The following C16orf74 variants were observed in gnomAD, a reference collection of about 807,000 sequenced individuals.
C16orf74 encodes calcimembrin, also known as uncharacterized protein C16orf74.
A neutral mutation model predicts 6.5 loss-of-function variants in C16orf74; 10 were observed. The observed-to-expected ratio is 1.54, with a 90% CI of 0.95 to 2.61. The LOEUF (loss-of-function observed/expected upper bound fraction) is 2.61. Among genes scored for constraint, C16orf74 ranks in the 30% most tolerant of loss-of-function variants. The probability of loss-of-function intolerance (pLI) is 0.00; values close to 1 mark genes in which losing one functional copy is unlikely to be tolerated. For synonymous variants in C16orf74, 60 were observed against 42.5 expected, an observed-to-expected ratio of 1.41 and a Z score of -1.60; for missense variants, 141 against 105.9, an observed-to-expected ratio of 1.33 and a Z score of -1.45.
rs114247748 is a variant in C16orf74, at chr16:85,739,350, T to C, written c.-18-4115A>G. ...CCTTTTATCCTGTCTTTGTTCAGCA[T>C]TGATCACAGCCCACCCGGTGGATTT... On this transcript the variant is annotated intron_variant, in intron 1 of 3. Transcript: ENST00000284245. Among the ~76,000 whole-genome samples the C allele has an allele frequency of 1.5e-3, 232 of 152,340 alleles. 3 individuals are homozygous for C. The highest frequency in any genetic ancestry group is 5.5e-3 in the African/African-American group (228 of 41,576).
chr16:85,735,354 G>C (rs1287235459), intron 1 of C16orf74, 119 bp from the exon 2 acceptor site: 2 of 518,418 alleles, frequency 3.9e-6, no homozygotes, highest in Admixed American at 4.2e-5. Flanking sequence ...GTGGTGGAGA[G>C]AAACCACCGG....
intron 2 of C16orf74, among the ~76,000 whole-genome samples, chr16:85,717,258 C>T (rs2054034850): frequency 6.6e-6 from 1 of 152,188 alleles, no homozygotes; most frequent in Non-Finnish European, 1.5e-5. Flanking sequence ...CTCCTAGCTC[C>T]AGGACAGCGG....
chr16:85,712,569 A>G (rs1306844039), intron 2 of C16orf74, among the ~76,000 whole-genome samples: 1 of 152,168 alleles, frequency 6.6e-6, no homozygotes, highest in African/African-American at 2.4e-5. Context: ...AATCCACAAA[A>G]GCATGTACAC....
chr16:85,708,322 G>A (rs547264614), intron 3 of C16orf74, among the ~76,000 whole-genome samples: 1 of 152,150 alleles, frequency 6.6e-6, no homozygotes, highest in Non-Finnish European at 1.5e-5. Flanking sequence ...GTAACCCTGT[G>A]TCTCCCCTAT....
intron 1 of C16orf74, among the ~76,000 whole-genome samples, chr16:85,736,144 G>A (rs2054242305): frequency 6.6e-6 from 1 of 152,208 alleles, no homozygotes; most frequent in East Asian, 1.9e-4. Flanking sequence ...TGGGAGGTCA[G>A]GCAGGAACAG....
intron 1 of C16orf74, among the ~76,000 whole-genome samples, chr16:85,747,118 A>G (rs1285130685): frequency 6.6e-6 from 1 of 152,196 alleles, no homozygotes; most frequent in Non-Finnish European, 1.5e-5. Context: ...CGTGTGACTC[A>G]CAGCAAAATA....
At chr16:85,720,050 C>CTT (rs112970652) in intron 2 of C16orf74, among the ~76,000 whole-genome samples, 304 of 143,920 alleles carry the variant, frequency 2.1e-3, no homozygotes, top group Non-Finnish European at 2.9e-3. Context: ...TGCGTTTAAT[C>CTT]TTTTTTTTTT....
intron 2 of C16orf74, among the ~76,000 whole-genome samples, chr16:85,718,065 C>G (rs751513843): frequency 5.9e-5 from 9 of 152,326 alleles, no homozygotes; most frequent in Admixed American, 2.0e-4. Context: ...CACGTGCGCC[C>G]TCTACTAGTT....
chr16:85,735,279 G>C (rs1164447026), intron 1 of C16orf74, 44 bp from the exon 2 acceptor site: 4 of 1,457,150 alleles, frequency 2.7e-6, no homozygotes, highest in African/African-American at 1.4e-5. Context: ...GGCGCGACTT[G>C]TTTGTATTGG....
intron 2 of C16orf74, among the ~76,000 whole-genome samples, chr16:85,712,625 C>G (rs1280582569): frequency 6.6e-6 from 1 of 152,220 alleles, no homozygotes; most frequent in African/African-American, 2.4e-5. Context: ...TCTTGGTTCA[C>G]CTGCAGCTTG....
At chr16:85,750,466 C>T (rs998861671) in intron 1 of C16orf74, among the ~76,000 whole-genome samples, 10 of 152,198 alleles carry the variant, frequency 6.6e-5, no homozygotes, top group African/African-American at 1.2e-4. Context: ...CGCAGGGGGG[C>T]CCCTAAGTGA....
At position 85,708,111 on chromosome 16, in the gene C16orf74, C is replaced by A. The variant is rs2152056911; in HGVS notation, c.173-45G>T. ...GACACCTGGATGCACCCTGCCCCCA[C>A]CACACCAAGCCCCGTTTCCCTGGGA... is the stretch of plus-strand genomic sequence containing the variant. On this transcript the variant is annotated intron_variant, in intron 3 of 3. Coordinates refer to ENST00000284245, the MANE Select transcript of C16orf74 (RefSeq NM_206967.3). 4 of 1,476,366 alleles carry A rather than the reference C, an allele frequency of 2.7e-6. No homozygotes were observed. In the East Asian group the frequency reaches 9.9e-5, roughly 36 times the overall value. 91.5% of individuals were successfully genotyped at this position (1,476,366 alleles called of 1,614,324 possible). A position where few individuals can be genotyped will look rare whatever the true frequency, so the allele number is the denominator to read the frequency against.
chr16:85,723,858 C>T (rs1598790919), intron 2 of C16orf74, among the ~76,000 whole-genome samples: 1 of 152,310 alleles, frequency 6.6e-6, no homozygotes, highest in Admixed American at 6.5e-5. Context: ...CTGCCCCTGC[C>T]CAGACACACA....
chr16:85,733,106 C>A (rs1268963654), intron 2 of C16orf74, among the ~76,000 whole-genome samples: 3 of 152,204 alleles, frequency 2.0e-5, no homozygotes, highest in African/African-American at 7.2e-5. Flanking sequence ...CCTGGTTTCT[C>A]CGTCAAAGAT....
intron 1 of C16orf74, among the ~76,000 whole-genome samples, chr16:85,737,627 C>G (rs1239837342): frequency 6.6e-6 from 1 of 152,124 alleles, no homozygotes; most frequent in South Asian, 2.1e-4. Context: ...GTCAGGAGTT[C>G]GAGAGCAGCC....
chr16:85,712,453 G>A (rs888280895), intron 2 of C16orf74, among the ~76,000 whole-genome samples: 4 of 152,204 alleles, frequency 2.6e-5, no homozygotes, highest in Admixed American at 6.5e-5. Context: ...TCTCATACCC[G>A]GCTGTGGGGA....
chr16:85,728,597 G>A (rs2054157722), intron 2 of C16orf74, among the ~76,000 whole-genome samples: 1 of 152,192 alleles, frequency 6.6e-6, no homozygotes. Flanking sequence ...AGCCACTCTA[G>A]TGGGAAAGCC....
chr16:85,721,279 A>C (rs2152060317), intron 2 of C16orf74, among the ~76,000 whole-genome samples: 1 of 151,936 alleles, frequency 6.6e-6, no homozygotes, highest in South Asian at 2.1e-4. Context: ...TGTGTGACCC[A>C]GGGTCCCCTA....
chr16:85,747,807 G>T (rs993167530), intron 1 of C16orf74, among the ~76,000 whole-genome samples: 1 of 152,084 alleles, frequency 6.6e-6, no homozygotes, highest in African/African-American at 2.4e-5. Flanking sequence ...ATTGGTTCCA[G>T]CTGGGCGCAA....
Sources: allele counts gnomAD v4.1 joint callset (sites outside exome capture counted in the v4.1 genomes callset), GRCh38; gene constraint gnomAD v4.1.1; transcripts MANE v1.5; gene names NCBI Gene and HGNC (gene_info 2026-07-23, HGNC 2026-07-21).